ATP11A: variants seen among roughly 807,000 people sequenced by gnomAD.
The protein encoded by ATP11A is ATPase phospholipid transporting 11A.
In ATP11A, 81 loss-of-function variants were observed where a neutral mutation model predicts 154.4. The observed-to-expected ratio is 0.52, with a 90% CI of 0.44 to 0.63. The LOEUF is 0.63. Among genes scored for constraint, ATP11A ranks in the 30% least tolerant of loss-of-function variants. ATP11A has a pLI of 0.00. For synonymous variants in ATP11A, 623 were observed against 585.9 expected (o/e 1.06, Z -0.91); for missense variants, 1,316 against 1,474.3 (o/e 0.89, Z 1.76).
At chr13:112,761,866 C>T (rs551027330) in intron 1 of ATP11A, among the ~76,000 whole-genome samples, 1 of 152,290 alleles carries the variant, frequency 6.6e-6, no homozygotes, top group Admixed American at 6.5e-5. Flanking sequence ...TGAGACACAC[C>T]TGTTCGGCCA....
At position 112,869,479 on chromosome 13, in the gene ATP11A, G is replaced by C. The variant is rs1274203408; in HGVS notation, c.2992-2256G>C. ...AGAGGGGACAGTGAGGAGGCCGTGTGAGTTGACTGCAGTTATCACCTGTGG... is the reference window on the plus strand; with the variant it reads ...AGAGGGGACAGTGAGGAGGCCGTGTCAGTTGACTGCAGTTATCACCTGTGG... On this transcript the variant is annotated intron_variant, in intron 25 of 29. Coordinates refer to ENST00000375645, the MANE Select transcript of ATP11A (RefSeq NM_015205.3). 3.3e-5 allele frequency among the ~76,000 whole-genome samples: 5 copies of C among 152,366 alleles called. No individual in the cohort carries two copies. In the East Asian group the frequency reaches 9.6e-4, roughly 29 times the overall value.
chr13:112,712,147 C>T (rs1355955233), intron 1 of ATP11A, among the ~76,000 whole-genome samples: 7 of 152,206 alleles, frequency 4.6e-5, no homozygotes, highest in Admixed American at 4.6e-4. Context: ...CCCTCCCCAC[C>T]CTGAGTGACA....
At chr13:112,829,884 A>G (rs1190296604) in intron 12 of ATP11A, among the ~76,000 whole-genome samples, 1 of 152,274 alleles carries the variant, frequency 6.6e-6, no homozygotes, top group African/African-American at 2.4e-5. Flanking sequence ...TAGTGATTCT[A>G]TATACCAGAC....
At chr13:112,734,532 A>T (rs7338143) in intron 1 of ATP11A, among the ~76,000 whole-genome samples, 7,920 of 152,176 alleles carry the variant, frequency 0.052, 708 homozygotes, top group African/African-American at 0.18. Flanking sequence ...TCAACCGCCG[A>T]GGAACTGCAG....
intron 1 of ATP11A, among the ~76,000 whole-genome samples, chr13:112,774,721 T>C (rs960220879): frequency 6.6e-5 from 10 of 152,176 alleles, no homozygotes; most frequent in Non-Finnish European, 1.2e-4. Context: ...TGACTTACAG[T>C]GTATTTCTCA....
At position 112,834,637 on chromosome 13, in the gene ATP11A, A is replaced by G; in HGVS notation, c.1608A>G (p.Leu536=). The G allele has an allele frequency of 6.2e-7, 1 of 1,613,966 alleles. No individual in the cohort carries two copies. The highest frequency in any genetic ancestry group is 8.5e-7 in the Non-Finnish European group (1 of 1,179,824). The change falls in exon 15 of 30, where the codon TTA becomes TTG. Residue 536 remains leucine (L), a synonymous_variant. Transcript: ENST00000375645. ...TGAAGGACAATTACATGGAGATATTAAACAGGGAGAACCACATCGAAAGGT... is the reference window on the plus strand; with the variant it reads ...TGAAGGACAATTACATGGAGATATTGAACAGGGAGAACCACATCGAAAGGT... ...LRLKDNYMEI[L]NRENHIERFE... is the part of the protein sequence containing the mutation.
At chr13:112,724,202 T>G (rs1206470260) in intron 1 of ATP11A, among the ~76,000 whole-genome samples, 2 of 138,026 alleles carry the variant, frequency 1.4e-5, no homozygotes, top group African/African-American at 5.3e-5. Context: ...ATCGGCACCA[T>G]CGCCCCATTC....
At chr13:112,691,213 C>G (rs1429422282) in intron 1 of ATP11A, among the ~76,000 whole-genome samples, 1 of 151,924 alleles carries the variant, frequency 6.6e-6, no homozygotes, top group African/African-American at 2.4e-5. Flanking sequence ...GCCTGTAATC[C>G]CAGCACTTTT....
At position 112,751,734 on chromosome 13, in the gene ATP11A, C is replaced by A. The variant is rs565994231; in HGVS notation, c.40-33401C>A. Among the ~76,000 whole-genome samples the A allele has an allele frequency of 1.8e-4, 28 of 151,918 alleles. No individual in the cohort carries two copies. The East Asian group carries it at 4.7e-3, about 25-fold the overall frequency. On this transcript the variant is annotated intron_variant, in intron 1 of 29. Transcript: ENST00000375645. ...TGATATGCATACTGCAGATAATCCC[C>A]CCCCCCTTTTTTTGAGACAGGGTCT...
At chr13:112,757,845 C>T (rs1410809809) in intron 1 of ATP11A, among the ~76,000 whole-genome samples, 1 of 152,228 alleles carries the variant, frequency 6.6e-6, no homozygotes, top group Admixed American at 6.5e-5. Context: ...AGGATGGCGT[C>T]ATGTGTGTGC....
intron 27 of ATP11A, among the ~76,000 whole-genome samples, chr13:112,874,984 T>C (rs1452250835): frequency 1.3e-5 from 2 of 152,194 alleles, no homozygotes; most frequent in Non-Finnish European, 1.5e-5. Context: ...CCCACGTCTT[T>C]GATGTGCTGG....
intron 2 of ATP11A, among the ~76,000 whole-genome samples, chr13:112,790,061 C>T (rs915216456): frequency 4.0e-5 from 6 of 150,962 alleles, no homozygotes; most frequent in African/African-American, 1.5e-4. Flanking sequence ...TAATTCACAC[C>T]CGGCATCCTG....
Position 112,882,234 on chromosome 13 carries a change from G to A in ATP11A, c.*368G>A. 1.2e-6 allele frequency: 1 copy of A among 837,124 alleles called. No individual in the cohort carries two copies. The highest frequency in any genetic ancestry group is 1.7e-6 in the Non-Finnish European group (1 of 600,052). 51.9% of individuals were successfully genotyped at this position (837,124 alleles called of 1,614,324 possible). On this transcript the variant is annotated 3_prime_UTR_variant, in exon 30 of 30. Coordinates refer to ENST00000375645, the MANE Select transcript of ATP11A (RefSeq NM_015205.3). This position sits in a 1 kb window ranked among gnomAD's most constrained non-coding sequence, Gnocchi z 5.1. Reference sequence around the variant, plus strand: ...CCTCTGGGCATTCGGCTCAACGCAGGAGGGACATTCTGCTGGCCCACCCTG... The same window carrying A: ...CCTCTGGGCATTCGGCTCAACGCAGAAGGGACATTCTGCTGGCCCACCCTG...
In ATP11A at chr13:112,882,678, G is replaced by A. The variant is rs2080912354; in HGVS notation, c.*812G>A. Reference sequence around the variant, plus strand: ...AAGGCAGTGCCACGTGGGAGGACAAGGCCACGCCGGCAGCTTCCAGCCCTG... The same window carrying A: ...AAGGCAGTGCCACGTGGGAGGACAAAGCCACGCCGGCAGCTTCCAGCCCTG... On this transcript the variant is annotated 3_prime_UTR_variant, in exon 30 of 30. Coordinates refer to ENST00000375645, the MANE Select transcript of ATP11A (RefSeq NM_015205.3). This position sits in a 1 kb window ranked among gnomAD's most constrained non-coding sequence, Gnocchi z 5.1. 2.5e-6 allele frequency: 1 copy of A among 399,932 alleles called. No homozygotes were observed. Among genetic ancestry groups the A allele is most frequent in the Non-Finnish European group, 4.4e-6 (1 of 227,130 alleles). 24.8% of individuals were successfully genotyped at this position (399,932 alleles called of 1,614,324 possible).
rs993793497 is a variant in ATP11A at position 112,838,123 on chromosome 13, C to T, written c.1705+1872C>T. On this transcript the variant is annotated intron_variant, in intron 16 of 29. Transcript: ENST00000375645. The surrounding 1 kb of genome is among the most constrained non-coding windows in gnomAD (Gnocchi z 7.3). ...CAGGACTCCCACGAAGAGCTTTTGC[C>T]AGCCAGACCGTGGGATCAGCAGGAC... Among the ~76,000 whole-genome samples, 3 of 152,200 alleles carry T rather than the reference C, an allele frequency of 2.0e-5. No homozygotes were observed. Among genetic ancestry groups the T allele is most frequent in the Non-Finnish European group, 4.4e-5 (3 of 68,044 alleles).
intron 15 of ATP11A, among the ~76,000 whole-genome samples, chr13:112,835,883 C>T (rs1362442318): frequency 6.6e-6 from 1 of 152,232 alleles, no homozygotes; most frequent in Non-Finnish European, 1.5e-5. Context: ...GCGTAGGGAA[C>T]GCAGCCTGCT....
At chr13:112,806,339 T>C (rs758219553) in intron 4 of ATP11A, 46 bp downstream of exon 4, 2 of 1,432,246 alleles carry the variant, frequency 1.4e-6, no homozygotes, top group Non-Finnish European at 2.0e-6. Flanking sequence ...ATCTTCACCA[T>C]GTGAATTGCC....
In ATP11A at chr13:112,700,585, G is replaced by A. The variant is rs142415795; in HGVS notation, c.39+10130G>A. Among the ~76,000 whole-genome samples the A allele has an allele frequency of 8.6e-3, 1,303 of 152,360 alleles. 24 individuals are homozygous for A. Among genetic ancestry groups the A allele is most frequent in the African/African-American group, 0.028 (1,178 of 41,582 alleles). ...TGACTCTGACCTTGTTCTCCCCGGC[G>A]TGGTCTGCACCCTGTGAAGGGTGAG... On this transcript the variant is annotated intron_variant, in intron 1 of 29. Coordinates refer to ENST00000375645, the MANE Select transcript of ATP11A (RefSeq NM_015205.3).
In ATP11A at chr13:112,882,094, C is replaced by T. The variant is rs372751198; in HGVS notation, c.*228C>T. 21 of 1,355,518 alleles carry T rather than the reference C, an allele frequency of 1.5e-5. No homozygotes were observed. In the African/African-American group the frequency reaches 2.7e-4, roughly 17 times the overall value. The allele number at this position is 1,355,518 out of a possible 1,614,324, so 84.0% of individuals were successfully genotyped here. A position where few individuals can be genotyped will look rare whatever the true frequency, so the allele number is the denominator to read the frequency against. ...TGGTCCTAAGCCTGTGGAGACTGTG[C>T]ACGTGCCTCTTCCTGGCCCCCAGCA... is the stretch of plus-strand genomic sequence containing the variant. On this transcript the variant is annotated 3_prime_UTR_variant, in exon 30 of 30. Transcript: ENST00000375645. This position sits in a 1 kb window ranked among gnomAD's most constrained non-coding sequence, Gnocchi z 5.1.
Sources: gnomAD v4.1 joint callset for allele counts (sites outside exome capture counted in the v4.1 genomes callset) on GRCh38, gnomAD v4.1.1 for gene constraint, Gnocchi (gnomAD v3.1) non-coding constraint, MANE v1.5 for transcripts, NCBI Gene and HGNC (gene_info 2026-07-23, HGNC 2026-07-21) for gene names.